AGBL4: variants seen among roughly 807,000 people sequenced by gnomAD.
AGBL4 encodes AGBL carboxypeptidase 4, also known as cytosolic carboxypeptidase 6.
In AGBL4, 58 loss-of-function variants were observed where a neutral mutation model predicts 66.4. The observed-to-expected ratio is 0.87, with a 90% confidence interval of 0.71 to 1.09. The LOEUF is 1.09. Among genes scored for constraint, AGBL4 ranks in the 50% least tolerant of loss-of-function variants. AGBL4 has a pLI of 0.00. For synonymous variants in AGBL4, 234 were observed against 222.9 expected, an observed-to-expected ratio of 1.05 and a Z score of -0.44; for missense variants, 579 against 631.0, an observed-to-expected ratio of 0.92 and a Z score of 0.88.
chr1:49,645,284 A>G (rs1645862604), intron 3 of AGBL4, among the ~76,000 whole-genome samples: 1 of 151,522 alleles, frequency 6.6e-6, no homozygotes, highest in African/African-American at 2.4e-5. Context: ...TTGATTAAAC[A>G]CAATCCTAAT....
chr1:50,015,220 C>T (rs962619518), intron 1 of AGBL4, among the ~76,000 whole-genome samples: 2 of 152,142 alleles, frequency 1.3e-5, no homozygotes, highest in Non-Finnish European at 2.9e-5. Context: ...TCTTGAACTA[C>T]GACCACTACC....
At chr1:49,073,935 C>G (rs1644660114) in intron 4 of AGBL4, among the ~76,000 whole-genome samples, 1 of 152,158 alleles carries the variant, frequency 6.6e-6, no homozygotes, top group South Asian at 2.1e-4. Flanking sequence ...GCTTTTTGTT[C>G]AGAGATGCCC....
At chr1:49,187,108 G>C (rs1429233210) in intron 4 of AGBL4, 1 of 152,156 alleles carries the variant, frequency 6.6e-6, no homozygotes, top group Non-Finnish European at 1.5e-5. Context: ...TAAGTACAAA[G>C]GGAAAGCTAA....
rs146776316 is a variant in AGBL4 at position 49,726,350 on chromosome 1, C to T, written c.158-28913G>A. On this transcript the variant is annotated intron_variant, in intron 2 of 13. Transcript: ENST00000371839. ...GAGATGCAAGAGTCAAATCTTAACA[C>T]AAGTCAGGTCTAAAAATTTGGTCTG... 5.2e-4 allele frequency among the ~76,000 whole-genome samples: 79 copies of T among 152,126 alleles called. No individual in the cohort carries two copies. In the East Asian group the frequency reaches 0.014, roughly 26 times the overall value.
At chr1:48,554,452 C>G (rs537843174) in intron 11 of AGBL4, among the ~76,000 whole-genome samples, 143 of 152,276 alleles carry the variant, frequency 9.4e-4, no homozygotes, top group Middle Eastern at 3.4e-3. Context: ...ATTATAATAT[C>G]TCATTATTGG....
chr1:49,556,339 G>T (rs1462574805), intron 3 of AGBL4, among the ~76,000 whole-genome samples: 4 of 151,974 alleles, frequency 2.6e-5, no homozygotes, highest in Non-Finnish European at 5.9e-5. Context: ...GGAACACTTG[G>T]ACACAGGAAG....
intron 5 of AGBL4, among the ~76,000 whole-genome samples, chr1:49,043,300 G>A (rs1301910559): frequency 6.6e-6 from 1 of 152,026 alleles, no homozygotes; most frequent in Non-Finnish European, 1.5e-5. Context: ...TGGTTGTGTT[G>A]GCCAATATGG....
chr1:48,701,920 A>T (rs1252494692), intron 6 of AGBL4, among the ~76,000 whole-genome samples: 1 of 152,232 alleles, frequency 6.6e-6, no homozygotes, highest in Admixed American at 6.5e-5. Context: ...CCCTTCATTG[A>T]ATGTTATACT....
At chr1:49,665,371 C>T (rs1479655954) in intron 3 of AGBL4, among the ~76,000 whole-genome samples, 1 of 152,036 alleles carries the variant, frequency 6.6e-6, no homozygotes, top group Non-Finnish European at 1.5e-5. Flanking sequence ...GGCTTGAAGC[C>T]CAGTTCTACA....
downstream of AGBL4, among the ~76,000 whole-genome samples, chr1:48,530,089 C>CT (rs1359546497): frequency 6.6e-6 from 1 of 152,120 alleles, no homozygotes; most frequent in East Asian, 1.9e-4. Context: ...TAACCTGTTT[C>CT]TTTTTTTGAC....
chr1:49,035,576 C>T (rs1409416094), intron 5 of AGBL4, among the ~76,000 whole-genome samples: 1 of 152,156 alleles, frequency 6.6e-6, no homozygotes, highest in Non-Finnish European at 1.5e-5. Flanking sequence ...CACCCACCTC[C>T]TGAGATCTTA....
chr1:48,632,896 A>G lies in AGBL4; in HGVS notation c.951+1597T>C, dbSNP rs1037050850. Among the ~76,000 whole-genome samples, 84 of 152,252 alleles carry G rather than the reference A, an allele frequency of 5.5e-4. 1 individual carries two copies. The highest frequency in any genetic ancestry group is 2.0e-3 in the African/African-American group (81 of 41,470). On this transcript the variant is annotated intron_variant, in intron 9 of 13. Transcript: ENST00000371839. ...AAATCAGAAGCAGTTTCTCTCTGCAAGGAAAGCTGATCAGGATGACATTGA... is the reference window on the plus strand; with the variant it reads ...AAATCAGAAGCAGTTTCTCTCTGCAGGGAAAGCTGATCAGGATGACATTGA...
intron 3 of AGBL4, among the ~76,000 whole-genome samples, chr1:49,417,565 A>C (rs915953784): frequency 3.3e-5 from 5 of 152,148 alleles, no homozygotes; most frequent in Non-Finnish European, 5.9e-5. Flanking sequence ...CAGTTTTAAG[A>C]GACTAGAGAG....
At position 48,586,989 on chromosome 1, in the gene AGBL4, G is replaced by T; in HGVS notation, c.1267+15C>A. On this transcript the variant is annotated intron_variant, in intron 11 of 13. Transcript: ENST00000371839. ...GATGAGGGCTGGCCCAAGGCTGGGT[G>T]GGGACTAAGGATACAGGCTTCTTCA... 1.2e-6 allele frequency: 2 copies of T among 1,609,712 alleles called. No homozygotes were observed. Among genetic ancestry groups the T allele is most frequent in the East Asian group, 2.2e-5 (1 of 44,752 alleles).
At chr1:49,937,103 T>C (rs1654147075) in intron 1 of AGBL4, among the ~76,000 whole-genome samples, 1 of 152,126 alleles carries the variant, frequency 6.6e-6, no homozygotes, top group Non-Finnish European at 1.5e-5. Flanking sequence ...CCATCTCATG[T>C]GCAGAGACAC....
chr1:48,539,069 C>T (rs1042450956), intron 12 of AGBL4, among the ~76,000 whole-genome samples: 2 of 152,152 alleles, frequency 1.3e-5, no homozygotes, highest in South Asian at 4.1e-4. Flanking sequence ...ACCTCCTGAC[C>T]TTCTCTCCTC....
chr1:48,867,222 T>C lies in AGBL4; in HGVS notation c.603A>G (p.Arg201=). The C allele has an allele frequency of 6.2e-7, 1 of 1,613,546 alleles. No individual in the cohort carries two copies. Reference sequence around the variant, plus strand: ...TGGTTATCGTCAGGAGGTCAAGCTTTCGTTGTTGCTGCAAAAGAAAACACA... The same window carrying C: ...TGGTTATCGTCAGGAGGTCAAGCTTCCGTTGTTGCTGCAAAAGAAAACACA... ...REQLGQSVQQ[R]KLDLLTITSP... The change falls in exon 6 of 14, where the codon CGA becomes CGG. Residue 201 remains arginine (R), a synonymous_variant. Transcript: ENST00000371839.
intron 1 of AGBL4, among the ~76,000 whole-genome samples, chr1:49,902,093 T>C (rs1649818093): frequency 6.6e-6 from 1 of 151,740 alleles, no homozygotes; most frequent in African/African-American, 2.4e-5. Context: ...CCCTGGGAAA[T>C]AAACTAGGAA....
chr1:48,847,111 AT>A (rs1646936143), intron 6 of AGBL4, among the ~76,000 whole-genome samples: 1 of 152,072 alleles, frequency 6.6e-6, no homozygotes, highest in African/African-American at 2.4e-5. Context: ...GACCAGCCTG[AT>A]CAACATGGAG....
Sources: gnomAD v4.1 joint callset for allele counts (sites outside exome capture counted in the v4.1 genomes callset) on GRCh38, gnomAD v4.1.1 for gene constraint, MANE v1.5 for transcripts, NCBI Gene and HGNC (gene_info 2026-07-23, HGNC 2026-07-21) for gene names.